Variants in TMEM132B observed in about 807,000 individuals in gnomAD.
TMEM132B encodes transmembrane protein 132B.
A neutral mutation model predicts 90.8 loss-of-function variants in TMEM132B; 18 were observed. The ratio of observed to expected loss-of-function variants is 0.20; its 90% CI spans 0.14 to 0.29. TMEM132B has a LOEUF of 0.29. Ranked by LOEUF, TMEM132B falls within the 10% of genes least tolerant of loss-of-function variation. The probability of loss-of-function intolerance (pLI) is 1.00; values close to 1 mark genes in which losing one functional copy is unlikely to be tolerated. For missense variants in TMEM132B, 1,096 were observed against 1,326.8 expected (o/e 0.83, Z 2.70); for synonymous variants, 504 against 523.3 (o/e 0.96, Z 0.50).
intron 1 of TMEM132B, among the ~76,000 whole-genome samples, chr12:125,319,389 C>A (rs1215210144): frequency 1.3e-5 from 2 of 152,208 alleles, no homozygotes; most frequent in African/African-American, 4.8e-5. Flanking sequence ...GGTCCCAACG[C>A]CTCCACATTA....
chr12:125,350,471 G>T (rs1877533663), intron 2 of TMEM132B, 128 bp downstream of exon 2: 1 of 1,161,210 alleles, frequency 8.6e-7, no homozygotes, highest in Non-Finnish European at 1.2e-6. Context: ...GGTCATTAAA[G>T]TGGTGAAAAC....
chr12:125,270,973 T>C (rs947531377), intron 1 of TMEM132B, among the ~76,000 whole-genome samples: 3 of 149,744 alleles, frequency 2.0e-5, no homozygotes, highest in Admixed American at 2.0e-4. Flanking sequence ...CCGAAAGAGA[T>C]AGGGCCTTGC....
In TMEM132B at chr12:125,286,854, C is replaced by T. The variant is rs190743333; in HGVS notation, c.68-62598C>T. 1.8e-4 allele frequency among the ~76,000 whole-genome samples: 27 copies of T among 152,164 alleles called. No individual in the cohort carries two copies. In the East Asian group the frequency reaches 5.0e-3, roughly 28 times the overall value. ...GAGTAGCTGGGACTACATGTGTGTG[C>T]CACCACACCCAGCTGATTTTTTACT... On this transcript the variant is annotated intron_variant, in intron 1 of 8. Transcript: ENST00000682704.
chr12:125,437,098 A>G (rs1880729655), intron 3 of TMEM132B, among the ~76,000 whole-genome samples: 1 of 152,172 alleles, frequency 6.6e-6, no homozygotes, highest in East Asian at 1.9e-4. Context: ...AGAGACTCAG[A>G]TAACACCTAA....
chr12:125,283,086 G>A (rs1054337894), intron 1 of TMEM132B, among the ~76,000 whole-genome samples: 4 of 152,126 alleles, frequency 2.6e-5, no homozygotes, highest in Non-Finnish European at 4.4e-5. Context: ...AGCTGTGTTC[G>A]CGCACAACTG....
chr12:125,636,890 A>G (rs1886495866), intron 5 of TMEM132B, among the ~76,000 whole-genome samples: 1 of 152,212 alleles, frequency 6.6e-6, no homozygotes, highest in African/African-American at 2.4e-5. Context: ...CTGTATTTAC[A>G]GTCCCCAGGG....
At chr12:125,645,033 T>C (rs928950783) in intron 6 of TMEM132B, among the ~76,000 whole-genome samples, 1 of 150,280 alleles carries the variant, frequency 6.7e-6, no homozygotes, top group African/African-American at 2.5e-5. Flanking sequence ...CTGGCTAACA[T>C]GGTGAAAGCC....
At chr12:125,208,241 T>G (rs1593041728) in intron 1 of TMEM132B, among the ~76,000 whole-genome samples, 1 of 152,152 alleles carries the variant, frequency 6.6e-6, no homozygotes, top group Non-Finnish European at 1.5e-5. Context: ...TTGGGGAAGG[T>G]GGGCAGGGCC....
chr12:125,569,211 AT>A (rs916981389), intron 4 of TMEM132B, among the ~76,000 whole-genome samples: 1 of 152,008 alleles, frequency 6.6e-6, no homozygotes, highest in Admixed American at 6.5e-5. Flanking sequence ...CCAAGCTGGC[AT>A]TTCCCCCAGT....
At chr12:125,536,461 T>G (rs1225722597) in intron 4 of TMEM132B, among the ~76,000 whole-genome samples, 1 of 152,194 alleles carries the variant, frequency 6.6e-6, no homozygotes, top group Non-Finnish European at 1.5e-5. Context: ...AATCCAGCAC[T>G]TCCATGAACT....
At chr12:125,564,158 A>G (rs900541409) in intron 4 of TMEM132B, among the ~76,000 whole-genome samples, 1 of 152,238 alleles carries the variant, frequency 6.6e-6, no homozygotes, top group Non-Finnish European at 1.5e-5. Flanking sequence ...AGTTTCATTA[A>G]TTTGAGTCCT....
chr12:125,594,497 A>G (rs145343501), intron 5 of TMEM132B, among the ~76,000 whole-genome samples: 2 of 152,336 alleles, frequency 1.3e-5, no homozygotes, highest in Admixed American at 6.5e-5. Context: ...CTTTCCCACT[A>G]TCAGGATTTG....
intron 1 of TMEM132B, among the ~76,000 whole-genome samples, chr12:125,224,118 C>T (rs1873623961): frequency 6.6e-6 from 1 of 152,190 alleles, no homozygotes. Context: ...TGTGTCAGCA[C>T]TTCATTCCCT....
At chr12:125,520,423 A>G (rs1362047767) in intron 4 of TMEM132B, among the ~76,000 whole-genome samples, 1 of 152,172 alleles carries the variant, frequency 6.6e-6, no homozygotes, top group Non-Finnish European at 1.5e-5. Flanking sequence ...GGTGCTTTTG[A>G]TCATTCATCA....
chr12:125,541,911 G>C (rs572897276), intron 4 of TMEM132B, among the ~76,000 whole-genome samples: 3 of 151,174 alleles, frequency 2.0e-5, no homozygotes, highest in Non-Finnish European at 2.9e-5. Context: ...TGTAGTCCCA[G>C]CTACTTGGGA....
intron 2 of TMEM132B, among the ~76,000 whole-genome samples, chr12:125,374,641 A>ACCCCG (rs1340936296): frequency 6.8e-6 from 1 of 146,028 alleles, no homozygotes; most frequent in Non-Finnish European, 1.5e-5. Context: ...GCACCCCCCG[A>ACCCCG]CCCCGCCCCG....
chr12:125,313,013 G>A (rs1036190031), intron 1 of TMEM132B, among the ~76,000 whole-genome samples: 3 of 152,144 alleles, frequency 2.0e-5, no homozygotes, highest in Non-Finnish European at 4.4e-5. Context: ...GATGTGGACC[G>A]TGTGCATAAT....
chr12:125,544,470 A>G (rs953515595), intron 4 of TMEM132B, among the ~76,000 whole-genome samples: 16 of 152,138 alleles, frequency 1.1e-4, no homozygotes, highest in Non-Finnish European at 2.1e-4. Flanking sequence ...GAACTGTGGG[A>G]TGGGTTCAGC....
chr12:125,392,600 C>G (rs965817627), intron 2 of TMEM132B, among the ~76,000 whole-genome samples: 1 of 152,124 alleles, frequency 6.6e-6, no homozygotes, highest in Non-Finnish European at 1.5e-5. Context: ...TCAAAGGGAC[C>G]TCAGTAGGGG....
Sources: gnomAD v4.1 joint callset for allele counts (sites outside exome capture counted in the v4.1 genomes callset) on GRCh38, gnomAD v4.1.1 for gene constraint, MANE v1.5 for transcripts, NCBI Gene and HGNC (gene_info 2026-07-23, HGNC 2026-07-21) for gene names.